Variants in KCNB2 observed in about 807,000 individuals in gnomAD.
KCNB2 encodes delayed rectifier potassium channel protein.
In KCNB2, 15 loss-of-function variants were observed where a neutral mutation model predicts 61.5. The ratio of observed to expected loss-of-function variants is 0.24; its 90% CI spans 0.16 to 0.38. The LOEUF (loss-of-function observed/expected upper bound fraction) is 0.38. KCNB2 is among the 10% of genes least tolerant of loss of function. KCNB2 has a pLI of 1.00. For missense variants in KCNB2, 828 were observed against 1,125.2 expected, an observed-to-expected ratio of 0.74 and a Z score of 3.78; for synonymous variants, 457 against 446.0, an observed-to-expected ratio of 1.02 and a Z score of -0.31.
At chr8:72,897,594 C>A (rs1483181631) in intron 2 of KCNB2, among the ~76,000 whole-genome samples, 1 of 152,108 alleles carries the variant, frequency 6.6e-6, no homozygotes, top group East Asian at 1.9e-4. Context: ...AGCTCCATGA[C>A]CAGAACGATA....
chr8:72,930,394 G>C (rs369731444), intron 2 of KCNB2, among the ~76,000 whole-genome samples: 1 of 152,074 alleles, frequency 6.6e-6, no homozygotes, highest in African/African-American at 2.4e-5. Context: ...CACAATGGTT[G>C]AACCAGTTTA....
At chr8:72,713,579 A>G (rs1436847435) in intron 2 of KCNB2, among the ~76,000 whole-genome samples, 4 of 152,234 alleles carry the variant, frequency 2.6e-5, no homozygotes, top group Admixed American at 6.5e-5. Flanking sequence ...GCAAACTCCA[A>G]CAGACGTGCA....
At chr8:72,931,818 G>A (rs1054171089) in intron 2 of KCNB2, among the ~76,000 whole-genome samples, 12 of 152,270 alleles carry the variant, frequency 7.9e-5, no homozygotes, top group Non-Finnish European at 1.6e-4. Context: ...TTTGAGACCA[G>A]CCTGGCCAAC....
chr8:72,890,951 A>G (rs1805887263), intron 2 of KCNB2, among the ~76,000 whole-genome samples: 2 of 152,202 alleles, frequency 1.3e-5, no homozygotes, highest in African/African-American at 4.8e-5. Context: ...CCTAAGGAAT[A>G]CCAAGTGTAG....
chr8:72,741,204 G>A (rs1183261718), intron 2 of KCNB2, among the ~76,000 whole-genome samples: 2 of 152,098 alleles, frequency 1.3e-5, no homozygotes, highest in East Asian at 3.9e-4. Context: ...CTTGTATTCT[G>A]CCACTTCCCC....
chr8:72,549,221 T>C (rs1329135622), intron 1 of KCNB2, among the ~76,000 whole-genome samples: 1 of 152,156 alleles, frequency 6.6e-6, no homozygotes, highest in Non-Finnish European at 1.5e-5. Flanking sequence ...TATATCCCTT[T>C]CCTTGCTTGG....
At chr8:72,813,625 G>A (rs1809342548) in intron 2 of KCNB2, among the ~76,000 whole-genome samples, 1 of 152,180 alleles carries the variant, frequency 6.6e-6, no homozygotes, top group Non-Finnish European at 1.5e-5. Context: ...CTTCACAAGT[G>A]TCTCTCCCTT....
Position 72,567,669 on chromosome 8 carries a change from A to G in KCNB2, c.-66A>G, listed in dbSNP as rs1806644098. 9.4e-7 allele frequency: 1 copy of G among 1,059,162 alleles called. No homozygotes were observed. Among genetic ancestry groups the G allele is most frequent in the African/African-American group, 1.6e-5 (1 of 62,940 alleles). 65.6% of individuals were successfully genotyped at this position (1,059,162 alleles called of 1,614,324 possible). A position where few individuals can be genotyped will look rare whatever the true frequency, so the allele number is the denominator to read the frequency against. On this transcript the variant is annotated 5_prime_UTR_variant, in exon 2 of 3. Coordinates refer to ENST00000523207, the MANE Select transcript of KCNB2 (RefSeq NM_004770.3). Reference sequence around the variant, plus strand: ...TTGTCAGTGGAAATGCCTGCCCCAGAGGGATATTGCTTCAGTTGACCTCAT... The same window carrying G: ...TTGTCAGTGGAAATGCCTGCCCCAGGGGGATATTGCTTCAGTTGACCTCAT...
intron 1 of KCNB2, among the ~76,000 whole-genome samples, chr8:72,545,372 G>A (rs79083617): frequency 0.021 from 3,165 of 152,094 alleles, 99 homozygotes; most frequent in African/African-American, 0.072. Context: ...TGTCAGTGCC[G>A]TTTTTCCAAC....
intron 2 of KCNB2, among the ~76,000 whole-genome samples, chr8:72,571,772 T>C (rs1806714507): frequency 2.0e-5 from 3 of 152,202 alleles, no homozygotes; most frequent in Admixed American, 2.0e-4. Flanking sequence ...TTGCTGGTTT[T>C]AGTGTGCCTT....
intron 2 of KCNB2, among the ~76,000 whole-genome samples, chr8:72,900,956 CA>C (rs1203644512): frequency 6.6e-6 from 1 of 152,162 alleles, no homozygotes; most frequent in East Asian, 1.9e-4. Flanking sequence ...GAGCTTAAAA[CA>C]GAGCTACCAA....
chr8:72,932,399 T>G (rs1413718644), intron 2 of KCNB2, among the ~76,000 whole-genome samples: 1 of 152,192 alleles, frequency 6.6e-6, no homozygotes, highest in African/African-American at 2.4e-5. Context: ...CTAATCTAAA[T>G]GGGTCCAGGT....
chr8:72,759,550 C>T (rs931386005), intron 2 of KCNB2, among the ~76,000 whole-genome samples: 1 of 152,176 alleles, frequency 6.6e-6, no homozygotes, highest in East Asian at 1.9e-4. Context: ...TGGAAAAGAA[C>T]TTATATTCTC....
intron 2 of KCNB2, among the ~76,000 whole-genome samples, chr8:72,697,685 T>C (rs1358150346): frequency 6.6e-6 from 1 of 152,006 alleles, no homozygotes; most frequent in Non-Finnish European, 1.5e-5. Context: ...ATAAATAGGG[T>C]CCACTATTCC....
At chr8:72,541,433 A>G (rs1340548501) in intron 1 of KCNB2, among the ~76,000 whole-genome samples, 1 of 152,130 alleles carries the variant, frequency 6.6e-6, no homozygotes, top group African/African-American at 2.4e-5. Context: ...TAACTTGTCT[A>G]AAGTCATATA....
intron 2 of KCNB2, among the ~76,000 whole-genome samples, chr8:72,744,980 G>C (rs545023489): frequency 6.6e-6 from 1 of 152,160 alleles, no homozygotes; most frequent in African/African-American, 2.4e-5. Context: ...TGCCAGCTTC[G>C]CTGAGCTGCA....
intron 2 of KCNB2, among the ~76,000 whole-genome samples, chr8:72,918,690 A>G (rs760145558): frequency 2.4e-4 from 37 of 152,182 alleles, no homozygotes; most frequent in Non-Finnish European, 4.1e-4. Context: ...ATATTACTCC[A>G]ATAGTAGGAG....
At chr8:72,755,762 T>C (rs1029759199) in intron 2 of KCNB2, among the ~76,000 whole-genome samples, 6 of 152,226 alleles carry the variant, frequency 3.9e-5, no homozygotes, top group African/African-American at 1.4e-4. Flanking sequence ...ATAAGGCAAC[T>C]GTTTTGGCTT....
intron 1 of KCNB2, among the ~76,000 whole-genome samples, chr8:72,558,266 C>T (rs1274652863): frequency 6.6e-6 from 1 of 152,176 alleles, no homozygotes; most frequent in South Asian, 2.1e-4. Flanking sequence ...GAATATCTGT[C>T]TACCTCCATG....
Sources: gnomAD v4.1 joint callset for allele counts (sites outside exome capture counted in the v4.1 genomes callset) on GRCh38, gnomAD v4.1.1 for gene constraint, MANE v1.5 for transcripts, NCBI Gene and HGNC (gene_info 2026-07-23, HGNC 2026-07-21) for gene names.